Variants in GRM1 observed in about 807,000 individuals in gnomAD.
GRM1 encodes the protein metabotropic glutamate receptor 1.
GRM1 carries 33 observed loss-of-function variants against 90.9 expected under a neutral mutation model. That is an observed-to-expected ratio of 0.36 (90% CI 0.28 to 0.49). The LOEUF (loss-of-function observed/expected upper bound fraction) is 0.49. Ranked by LOEUF, GRM1 falls within the 20% of genes least tolerant of loss-of-function variation. The probability of loss-of-function intolerance (pLI) is 0.99; values close to 1 mark genes in which losing one functional copy is unlikely to be tolerated. For synonymous variants in GRM1, 700 were observed against 613.2 expected, an observed-to-expected ratio of 1.14 and a Z score of -2.09; for missense variants, 1,190 against 1,534.3, an observed-to-expected ratio of 0.78 and a Z score of 3.75.
chr6:146,436,618 A>G lies in GRM1; in HGVS notation c.*1822A>G, dbSNP rs1287361684. ...GCTGTCATAACTTTTTATTTCTGCT[A>G]TTTGCTGTTGTGTAATATCCATGGA... On this transcript the variant is annotated 3_prime_UTR_variant, in exon 8 of 8. Coordinates refer to ENST00000282753, the MANE Select transcript of GRM1 (RefSeq NM_001278064.2). The G allele has an allele frequency of 1.3e-5, 2 of 152,160 alleles. No homozygotes were observed. Among genetic ancestry groups the G allele is most frequent in the East Asian group, 3.9e-4 (2 of 5,186 alleles). The allele number at this position is 152,160 out of a possible 1,614,324, so 9.4% of individuals were successfully genotyped here.
chr6:146,273,156 C>T (rs903731733), intron 2 of GRM1, among the ~76,000 whole-genome samples: 1 of 152,050 alleles, frequency 6.6e-6, no homozygotes, highest in Non-Finnish European at 1.5e-5. Flanking sequence ...AATATAATGC[C>T]CTCTCCTTTT....
rs1778573700 is a variant in GRM1 at position 146,435,664 on chromosome 6, T to C, written c.*868T>C. Reference sequence around the variant, plus strand: ...CAGCTTCTCATGTTCCATATTCACTTATTGGCGATTTGGGGAAAAGGCCGG... The same window carrying C: ...CAGCTTCTCATGTTCCATATTCACTCATTGGCGATTTGGGGAAAAGGCCGG... On this transcript the variant is annotated 3_prime_UTR_variant, in exon 8 of 8. Coordinates refer to ENST00000282753, the MANE Select transcript of GRM1 (RefSeq NM_001278064.2). The C allele has an allele frequency of 6.6e-6, 1 of 152,616 alleles. No homozygotes were observed. Among genetic ancestry groups the C allele is most frequent in the Non-Finnish European group, 1.5e-5 (1 of 68,030 alleles). 9.5% of individuals were successfully genotyped at this position (152,616 alleles called of 1,614,324 possible).
chr6:146,122,221 TC>T (rs1432539830), intron 1 of GRM1, among the ~76,000 whole-genome samples: 1 of 152,222 alleles, frequency 6.6e-6, no homozygotes, highest in Admixed American at 6.5e-5. Flanking sequence ...TTTGCCCCCT[TC>T]TAGGCTTTTA....
At chr6:146,110,419 A>C (rs1186305381) in intron 1 of GRM1, among the ~76,000 whole-genome samples, 2 of 152,176 alleles carry the variant, frequency 1.3e-5, no homozygotes, top group Non-Finnish European at 2.9e-5. Context: ...TTCACCTTCC[A>C]TCATGATTGT....
At chr6:146,223,958 G>A (rs147200860) in intron 2 of GRM1, among the ~76,000 whole-genome samples, 1 of 152,116 alleles carries the variant, frequency 6.6e-6, no homozygotes, top group Non-Finnish European at 1.5e-5. Flanking sequence ...GGCATATAAT[G>A]TAGTTTCCTG....
intron 2 of GRM1, among the ~76,000 whole-genome samples, chr6:146,232,078 A>G (rs1204987921): frequency 1.3e-5 from 2 of 152,128 alleles, no homozygotes; most frequent in Non-Finnish European, 2.9e-5. Flanking sequence ...TCGCTTACAC[A>G]TTCAATTTTT....
In GRM1 at chr6:146,323,471, A is replaced by G. The variant is rs555461520; in HGVS notation, c.1186+18625A>G. On this transcript the variant is annotated intron_variant, in intron 3 of 7. Transcript: ENST00000282753. ...TTTACTTGTAAATTTGTTTGAGTTC[A>G]TTGTAGATTCTGGATATTAGCCCTT... 2.0e-5 allele frequency among the ~76,000 whole-genome samples: 3 copies of G among 152,074 alleles called. No individual in the cohort carries two copies. The East Asian group carries it at 5.8e-4, about 29-fold the overall frequency.
intron 1 of GRM1, among the ~76,000 whole-genome samples, chr6:146,047,529 T>C (rs1791377423): frequency 6.6e-6 from 1 of 150,550 alleles, no homozygotes; most frequent in South Asian, 2.1e-4. Context: ...TATCACAAGC[T>C]GGTTTCTCAG....
At chr6:146,288,498 G>T (rs1444342879) in intron 2 of GRM1, among the ~76,000 whole-genome samples, 4 of 152,060 alleles carry the variant, frequency 2.6e-5, no homozygotes, top group African/African-American at 9.6e-5. Flanking sequence ...TTTGATTTTT[G>T]TTTTTTTGGT....
intron 1 of GRM1, among the ~76,000 whole-genome samples, chr6:146,119,910 A>G (rs977189154): frequency 9.2e-5 from 14 of 152,086 alleles, no homozygotes; most frequent in Admixed American, 3.3e-4. Flanking sequence ...CTTAGGATTG[A>G]CTTGGCAATG....
chr6:146,325,620 C>T (rs192607089), intron 3 of GRM1, among the ~76,000 whole-genome samples: 4 of 152,304 alleles, frequency 2.6e-5, no homozygotes, highest in Admixed American at 6.5e-5. Context: ...ATGTAGCAAA[C>T]GGCTAGGAAT....
intron 3 of GRM1, among the ~76,000 whole-genome samples, chr6:146,351,157 T>A (rs1049327349): frequency 6.6e-6 from 1 of 152,170 alleles, no homozygotes; most frequent in Non-Finnish European, 1.5e-5. Flanking sequence ...AGTGACCTAT[T>A]TAGGTTGGAA....
At chr6:146,101,103 A>C (rs1402516682) in intron 1 of GRM1, among the ~76,000 whole-genome samples, 2 of 152,200 alleles carry the variant, frequency 1.3e-5, no homozygotes, top group Non-Finnish European at 2.9e-5. Flanking sequence ...ATAAAAAAAA[A>C]TTCAGGAGAA....
At chr6:146,174,083 T>C (rs1228633933) in intron 2 of GRM1, among the ~76,000 whole-genome samples, 1 of 152,084 alleles carries the variant, frequency 6.6e-6, no homozygotes, top group Non-Finnish European at 1.5e-5. Context: ...AAATTTTATC[T>C]CTAAGAGATA....
intron 1 of GRM1, among the ~76,000 whole-genome samples, chr6:146,065,519 C>T (rs553776608): frequency 6.6e-6 from 1 of 152,130 alleles, no homozygotes; most frequent in Non-Finnish European, 1.5e-5. Flanking sequence ...TGAGATAATA[C>T]CTGGCACACA....
chr6:146,395,116 A>C (rs362926), intron 6 of GRM1, among the ~76,000 whole-genome samples: 1 of 152,086 alleles, frequency 6.6e-6, no homozygotes, highest in African/African-American at 2.4e-5. Flanking sequence ...CTCCCAAACC[A>C]TAGAGAGCAG....
chr6:146,270,696 C>A (rs1440469533), intron 2 of GRM1, among the ~76,000 whole-genome samples: 1 of 152,110 alleles, frequency 6.6e-6, no homozygotes, highest in Non-Finnish European at 1.5e-5. Flanking sequence ...CTGCCCTAAA[C>A]CACTTGGAAA....
intron 2 of GRM1, chr6:146,171,954 C>T (rs537548956): frequency 1.1e-4 from 19 of 173,174 alleles, no homozygotes; most frequent in Middle Eastern, 3.0e-3. Context: ...TGACTTCCTC[C>T]CTGCTGTGGC....
rs1240405912 is a variant in GRM1, at chr6:146,437,591, T to C, written c.*2795T>C. 1.3e-5 allele frequency: 2 copies of C among 152,648 alleles called. No individual in the cohort carries two copies. Among genetic ancestry groups the C allele is most frequent in the Non-Finnish European group, 2.9e-5 (2 of 68,040 alleles). The allele number at this position is 152,648 out of a possible 1,614,324, so 9.5% of individuals were successfully genotyped here. On this transcript the variant is annotated 3_prime_UTR_variant, in exon 8 of 8. Coordinates refer to ENST00000282753, the MANE Select transcript of GRM1 (RefSeq NM_001278064.2). Reference sequence around the variant, plus strand: ...ACAATGCTGTATAATAAATATTTTCTATTTATTAAATGTGTATGTTCTTTC... The same window carrying C: ...ACAATGCTGTATAATAAATATTTTCCATTTATTAAATGTGTATGTTCTTTC...
Sources: gnomAD v4.1 joint callset for allele counts (sites outside exome capture counted in the v4.1 genomes callset) on GRCh38, gnomAD v4.1.1 for gene constraint, MANE v1.5 for transcripts, NCBI Gene and HGNC (gene_info 2026-07-23, HGNC 2026-07-21) for gene names.